PDLIM1: variants seen among roughly 807,000 people sequenced by gnomAD.
The protein encoded by PDLIM1 is PDZ and LIM domain protein 1.
A neutral mutation model predicts 35.2 loss-of-function variants in PDLIM1; 25 were observed. That is an observed-to-expected ratio of 0.71 (90% CI 0.52 to 0.99). PDLIM1 has a LOEUF of 0.99. PDLIM1 is among the 50% of genes least tolerant of loss of function. The pLI is 0.00. For synonymous variants in PDLIM1, 152 were observed against 154.0 expected (o/e 0.99, Z 0.10); for missense variants, 363 against 415.3 (o/e 0.87, Z 1.09).
chr10:95,238,491 A>T, intron 6 of PDLIM1, 77 bp downstream of exon 6: 1 of 932,520 alleles, frequency 1.1e-6, no homozygotes, highest in East Asian at 2.4e-5. Context: ...AAAATGTGCA[A>T]CATCCAGCAC....
At chr10:95,262,897 A>C (rs11188254) in intron 4 of PDLIM1, among the ~76,000 whole-genome samples, 92,203 of 151,884 alleles carry the variant, frequency 0.61, 29,480 homozygotes, top group Non-Finnish European at 0.7. Flanking sequence ...AATCCCGGAA[A>C]TTTGGGAGTC....
intron 1 of PDLIM1, among the ~76,000 whole-genome samples, chr10:95,289,172 G>T (rs1341423327): frequency 6.6e-6 from 1 of 152,220 alleles, no homozygotes; most frequent in Non-Finnish European, 1.5e-5. Flanking sequence ...GAAGTGGAGA[G>T]GGCTGACAGG....
At chr10:95,243,175 C>G (rs774410200) in intron 5 of PDLIM1, among the ~76,000 whole-genome samples, 1 of 152,144 alleles carries the variant, frequency 6.6e-6, no homozygotes, top group Non-Finnish European at 1.5e-5. Flanking sequence ...GCTGCCTGCC[C>G]AACAGAAGAC....
chr10:95,281,356 A>T (rs1459393695), intron 1 of PDLIM1, among the ~76,000 whole-genome samples: 1 of 151,696 alleles, frequency 6.6e-6, no homozygotes, highest in African/African-American at 2.4e-5. Flanking sequence ...CAGCAGGAAG[A>T]CTGCTTAAGC....
intron 5 of PDLIM1, among the ~76,000 whole-genome samples, chr10:95,246,508 C>T (rs2035222796): frequency 6.6e-6 from 1 of 152,182 alleles, no homozygotes; most frequent in African/African-American, 2.4e-5. Flanking sequence ...AAGAAAGCCT[C>T]TTCATGACAT....
intron 4 of PDLIM1, among the ~76,000 whole-genome samples, chr10:95,259,038 G>A (rs2035339509): frequency 1.3e-5 from 2 of 152,146 alleles, no homozygotes; most frequent in Admixed American, 6.6e-5. Context: ...GGTTAAGGAG[G>A]ATGAGGGAAA....
chr10:95,245,200 G>A (rs1026422772), intron 5 of PDLIM1, among the ~76,000 whole-genome samples: 2 of 152,168 alleles, frequency 1.3e-5, no homozygotes, highest in Non-Finnish European at 2.9e-5. Context: ...CTAAATCATG[G>A]TCAATAAAAT....
intron 6 of PDLIM1, 44 bp from the exon 7 acceptor site, chr10:95,238,155 C>A: frequency 6.4e-7 from 1 of 1,572,316 alleles, no homozygotes; most frequent in Non-Finnish European, 8.7e-7. Context: ...GTGACAAGCA[C>A]CTGCAGGTGG....
chr10:95,238,164 G>A, intron 6 of PDLIM1, 53 bp from the exon 7 acceptor site: 2 of 1,532,586 alleles, frequency 1.3e-6, no homozygotes, highest in Non-Finnish European at 1.8e-6. Flanking sequence ...ACCTGCAGGT[G>A]GCACCTGAGC....
chr10:95,286,909 C>T (rs924284440), intron 1 of PDLIM1, among the ~76,000 whole-genome samples: 1 of 152,192 alleles, frequency 6.6e-6, no homozygotes, highest in African/African-American at 2.4e-5. Flanking sequence ...TTTCCCAGTC[C>T]TGGTCAGCCT....
chr10:95,277,512 C>T (rs1309670027), intron 1 of PDLIM1, among the ~76,000 whole-genome samples: 1 of 151,872 alleles, frequency 6.6e-6, no homozygotes, highest in Non-Finnish European at 1.5e-5. Flanking sequence ...TGGTGATGCA[C>T]ACTGCCTGTA....
At chr10:95,283,133 G>A (rs138750670) in intron 1 of PDLIM1, among the ~76,000 whole-genome samples, 9 of 152,316 alleles carry the variant, frequency 5.9e-5, no homozygotes, top group African/African-American at 2.2e-4. Context: ...TCATCAGGTT[G>A]CTGGAAGGCT....
chr10:95,258,744 T>G (rs2035337155), intron 4 of PDLIM1, among the ~76,000 whole-genome samples: 1 of 152,162 alleles, frequency 6.6e-6, no homozygotes, highest in Admixed American at 6.5e-5. Context: ...TCTAGAGATG[T>G]GTTGCACAAC....
Position 95,237,610 on chromosome 10 carries a change from G to C in PDLIM1, c.*315C>G, listed in dbSNP as rs2035136435. On this transcript the variant is annotated 3_prime_UTR_variant, in exon 7 of 7. Coordinates refer to ENST00000329399, the MANE Select transcript of PDLIM1 (RefSeq NM_020992.4). ...CATTTATTGAGTAAAAACAAAATCA[G>C]TGTCAGACACGTTATATTTGATTGG... is the stretch of plus-strand genomic sequence containing the variant. The C allele has an allele frequency of 3.1e-6, 1 of 319,236 alleles. No homozygotes were observed. The highest frequency in any genetic ancestry group is 5.9e-6 in the Non-Finnish European group (1 of 170,762). 19.8% of individuals were successfully genotyped at this position (319,236 alleles called of 1,614,324 possible).
intron 4 of PDLIM1, among the ~76,000 whole-genome samples, chr10:95,255,446 A>C (rs2035304373): frequency 6.6e-6 from 1 of 152,202 alleles, no homozygotes; most frequent in Admixed American, 6.5e-5. Context: ...ACCATGACCA[A>C]GTGGAATTTA....
At chr10:95,267,951 C>A (rs775572209) in intron 3 of PDLIM1, among the ~76,000 whole-genome samples, 46 of 152,212 alleles carry the variant, frequency 3.0e-4, no homozygotes, top group Non-Finnish European at 6.2e-4. Flanking sequence ...ATTAATGTAT[C>A]CAACAGACAC....
At chr10:95,285,818 G>T (rs1188595581) in intron 1 of PDLIM1, among the ~76,000 whole-genome samples, 1 of 152,166 alleles carries the variant, frequency 6.6e-6, no homozygotes, top group Non-Finnish European at 1.5e-5. Flanking sequence ...TACGTGTGAA[G>T]ATCACTGAAT....
chr10:95,265,488 G>A (rs1287213309), intron 3 of PDLIM1, among the ~76,000 whole-genome samples: 4 of 151,192 alleles, frequency 2.6e-5, no homozygotes, highest in South Asian at 4.2e-4. Flanking sequence ...CCAGCTACTC[G>A]GGAGGCTGAG....
chr10:95,287,785 G>A (rs569070382), intron 1 of PDLIM1, among the ~76,000 whole-genome samples: 3 of 152,046 alleles, frequency 2.0e-5, no homozygotes, highest in Non-Finnish European at 4.4e-5. Context: ...GGGAACACAA[G>A]GCAAGAGCAC....
Sources: gnomAD v4.1 joint callset for allele counts (sites outside exome capture counted in the v4.1 genomes callset) on GRCh38, gnomAD v4.1.1 for gene constraint, MANE v1.5 for transcripts, NCBI Gene and HGNC (gene_info 2026-07-23, HGNC 2026-07-21) for gene names.